WWOX: variants seen among roughly 807,000 people sequenced by gnomAD.
WWOX encodes the protein WW domain-containing oxidoreductase.
WWOX carries 69 observed loss-of-function variants against 46.2 expected under a neutral mutation model. The observed-to-expected ratio is 1.49, with a 90% CI of 1.23 to 1.82. WWOX has a LOEUF of 1.82. Ranked by LOEUF, WWOX falls within the 40% of genes most tolerant of loss-of-function variation. The pLI, the probability that WWOX is intolerant of heterozygous loss-of-function variation, is 0.00. For synonymous variants in WWOX, 359 were observed against 202.6 expected (o/e 1.77, Z -6.56); for missense variants, 919 against 542.6 (o/e 1.69, Z -6.89).
chr16:79,178,572 C>G (rs1243561360), intron 8 of WWOX, among the ~76,000 whole-genome samples: 1 of 152,162 alleles, frequency 6.6e-6, no homozygotes, highest in Non-Finnish European at 1.5e-5. Flanking sequence ...CCGCCTCGAC[C>G]TCTCAAAGTG....
At chr16:78,962,313 TTTTTTTTTTTTTTAAA>T (rs1263524477) in intron 8 of WWOX, among the ~76,000 whole-genome samples, 1 of 90,388 alleles carries the variant, frequency 1.1e-5, no homozygotes, top group East Asian at 4.3e-4. Context: ...TTTTTTTTTT[TTTTTTTTTTTTTTAAA>T]AAAAAAAAAA....
At chr16:79,077,871 GTTC>G (rs1046539453) in intron 8 of WWOX, 4 of 152,066 alleles carry the variant, frequency 2.6e-5, no homozygotes, top group African/African-American at 9.7e-5. Flanking sequence ...GTTCTGCATC[GTTC>G]TTCTTACTCA....
chr16:78,323,112 T>G (rs1427822708), intron 5 of WWOX, among the ~76,000 whole-genome samples: 1 of 151,598 alleles, frequency 6.6e-6, no homozygotes, highest in African/African-American at 2.4e-5. Context: ...GTATTTTTTT[T>G]TGTTTGTTTG....
intron 5 of WWOX, among the ~76,000 whole-genome samples, chr16:78,232,765 T>C (rs767773192): frequency 1.3e-5 from 2 of 152,366 alleles, no homozygotes; most frequent in East Asian, 1.9e-4. Context: ...CTGCTTCTTA[T>C]GTGATTCTTA....
chr16:78,922,567 CAG>C (rs933335176), intron 8 of WWOX, among the ~76,000 whole-genome samples: 1 of 152,066 alleles, frequency 6.6e-6, no homozygotes, highest in Non-Finnish European at 1.5e-5. Flanking sequence ...TTAGTAGAGA[CAG>C]GGTTTCACCA....
chr16:78,905,253 C>T (rs1046912371), intron 8 of WWOX, among the ~76,000 whole-genome samples: 3 of 152,124 alleles, frequency 2.0e-5, no homozygotes, highest in African/African-American at 4.8e-5. Flanking sequence ...AAGAAAATTG[C>T]GTGCTAATTT....
At chr16:78,513,892 A>ACCC (rs2085423839) in intron 8 of WWOX, among the ~76,000 whole-genome samples, 1 of 119,558 alleles carries the variant, frequency 8.4e-6, no homozygotes, top group South Asian at 3.1e-4. Context: ...TACAGTTCCC[A>ACCC]CTCCCCCCCC....
intron 8 of WWOX, chr16:78,895,327 A>G (rs1305263321): frequency 6.6e-6 from 1 of 152,184 alleles, no homozygotes; most frequent in African/African-American, 2.4e-5. Context: ...GTTTCTGTGC[A>G]TACAACATCT....
At chr16:78,325,312 G>C (rs1237018494) in intron 5 of WWOX, among the ~76,000 whole-genome samples, 1 of 152,152 alleles carries the variant, frequency 6.6e-6, no homozygotes, top group Non-Finnish European at 1.5e-5. Context: ...TAAATACTCA[G>C]ATTTATTTTG....
At chr16:79,118,422 A>G (rs2049562130) in intron 8 of WWOX, among the ~76,000 whole-genome samples, 1 of 152,232 alleles carries the variant, frequency 6.6e-6, no homozygotes, top group South Asian at 2.1e-4. Context: ...TATAATAATA[A>G]TTTAAAAGCT....
intron 8 of WWOX, among the ~76,000 whole-genome samples, chr16:79,020,234 T>C (rs2047503823): frequency 6.6e-6 from 1 of 152,218 alleles, no homozygotes; most frequent in Non-Finnish European, 1.5e-5. Context: ...GACATAAGGA[T>C]GCTGCAAGGC....
At chr16:78,736,049 A>C (rs1418510106) in intron 8 of WWOX, among the ~76,000 whole-genome samples, 1 of 152,192 alleles carries the variant, frequency 6.6e-6, no homozygotes, top group African/African-American at 2.4e-5. Context: ...ACTAGAGATG[A>C]AGACAGGGAT....
chr16:78,799,502 A>G (rs919107310), intron 8 of WWOX, among the ~76,000 whole-genome samples: 1 of 152,176 alleles, frequency 6.6e-6, no homozygotes, highest in Admixed American at 6.5e-5. Flanking sequence ...GTTTTAAATA[A>G]TATCGTCATC....
intron 8 of WWOX, among the ~76,000 whole-genome samples, chr16:78,866,499 G>A (rs1220588214): frequency 6.6e-6 from 1 of 151,946 alleles, no homozygotes; most frequent in African/African-American, 2.4e-5. Flanking sequence ...CTTCAGGTTA[G>A]TAAAACGAAG....
intron 8 of WWOX, among the ~76,000 whole-genome samples, chr16:78,683,783 T>A (rs1330303238): frequency 6.6e-6 from 1 of 152,208 alleles, no homozygotes; most frequent in Non-Finnish European, 1.5e-5. Flanking sequence ...CAGTCGTGAT[T>A]TAGGGCATGA....
chr16:78,318,272 A>ATTTTTTTTTTTTTTTTTTT (rs34730954), intron 5 of WWOX, among the ~76,000 whole-genome samples: 16 of 123,560 alleles, frequency 1.3e-4, no homozygotes, highest in African/African-American at 4.8e-4. Flanking sequence ...TCTGGGAGGA[A>ATTTTTTTTTTTTTTTTTTT]TTTTTTTTTT....
intron 8 of WWOX, among the ~76,000 whole-genome samples, chr16:78,542,072 G>C (rs1369741668): frequency 1.4e-5 from 2 of 141,358 alleles, no homozygotes; most frequent in African/African-American, 5.2e-5. Flanking sequence ...CCCAGCTTAG[G>C]ACCTGGACTT....
chr16:78,664,868 A>C (rs2047295006), intron 8 of WWOX, among the ~76,000 whole-genome samples: 1 of 152,236 alleles, frequency 6.6e-6, no homozygotes, highest in Non-Finnish European at 1.5e-5. Context: ...ATGTGCGTAA[A>C]ACGGAATTTG....
At chr16:79,106,338 G>A (rs1419062642) in intron 8 of WWOX, among the ~76,000 whole-genome samples, 1 of 152,148 alleles carries the variant, frequency 6.6e-6, no homozygotes, top group Non-Finnish European at 1.5e-5. Context: ...CAGTTCAGGT[G>A]AAAGAATCTT....
Sources: gnomAD v4.1 joint callset for allele counts (sites outside exome capture counted in the v4.1 genomes callset) on GRCh38, gnomAD v4.1.1 for gene constraint, MANE v1.5 for transcripts, NCBI Gene and HGNC (gene_info 2026-07-23, HGNC 2026-07-21) for gene names.